KCNJ6: variants seen among roughly 807,000 people sequenced by gnomAD.
KCNJ6 encodes potassium inwardly rectifying channel subfamily J member 6, also known as G protein-activated inward rectifier potassium channel 2.
KCNJ6 carries 9 observed loss-of-function variants against 34.2 expected under a neutral mutation model. The ratio of observed to expected loss-of-function variants is 0.26; its 90% CI spans 0.16 to 0.46. The LOEUF (loss-of-function observed/expected upper bound fraction) is 0.46, where lower values mean the gene tolerates loss of function less well. Among genes scored for constraint, KCNJ6 ranks in the 20% least tolerant of loss-of-function variants. KCNJ6 has a pLI of 1.00. For missense variants in KCNJ6, 236 were observed against 531.3 expected (o/e 0.44, Z 5.46); for synonymous variants, 196 against 207.1 (o/e 0.95, Z 0.46).
intron 2 of KCNJ6, among the ~76,000 whole-genome samples, chr21:37,760,985 G>C (rs1453361290): frequency 2.6e-5 from 4 of 152,236 alleles, no homozygotes; most frequent in African/African-American, 9.6e-5. Context: ...GGTCAGGGAA[G>C]AGCCAGAAGA....
chr21:37,840,308 T>C (rs1388238874), intron 2 of KCNJ6, among the ~76,000 whole-genome samples: 1 of 152,218 alleles, frequency 6.6e-6, no homozygotes, highest in Non-Finnish European at 1.5e-5. Flanking sequence ...GCCCGTGGAA[T>C]AGATGCCCAG....
At chr21:37,683,343 G>A (rs1168144584) in intron 3 of KCNJ6, among the ~76,000 whole-genome samples, 1 of 152,118 alleles carries the variant, frequency 6.6e-6, no homozygotes, top group Admixed American at 6.5e-5. Flanking sequence ...CCCCCTTTCT[G>A]GAGGGATTTT....
chr21:37,683,613 A>G (rs1334518564), intron 3 of KCNJ6, among the ~76,000 whole-genome samples: 1 of 152,092 alleles, frequency 6.6e-6, no homozygotes, highest in East Asian at 1.9e-4. Context: ...TGCTTAACAT[A>G]TTTGTTTGTT....
chr21:37,894,773 C>T (rs954463941), intron 1 of KCNJ6, among the ~76,000 whole-genome samples: 2 of 152,194 alleles, frequency 1.3e-5, no homozygotes, highest in African/African-American at 4.8e-5. Flanking sequence ...TTTAGGTCCC[C>T]TCTAGGTGAG....
intron 2 of KCNJ6, among the ~76,000 whole-genome samples, chr21:37,833,855 A>G (rs1393935031): frequency 1.3e-5 from 2 of 152,190 alleles, no homozygotes; most frequent in African/African-American, 4.8e-5. Flanking sequence ...GTGCCTAACA[A>G]TGGAAAACCC....
intron 1 of KCNJ6, among the ~76,000 whole-genome samples, chr21:37,908,047 T>A (rs1301440663): frequency 1.3e-5 from 2 of 152,238 alleles, no homozygotes; most frequent in Non-Finnish European, 2.9e-5. Context: ...TACTGCCCCA[T>A]GGAAGGATTA....
At chr21:37,867,177 A>G (rs1420424999) in intron 1 of KCNJ6, among the ~76,000 whole-genome samples, 1 of 152,258 alleles carries the variant, frequency 6.6e-6, no homozygotes, top group Non-Finnish European at 1.5e-5. Flanking sequence ...TAAGTGTAAT[A>G]AAATATTTTC....
intron 2 of KCNJ6, among the ~76,000 whole-genome samples, chr21:37,786,031 C>T (rs1306585634): frequency 2.0e-5 from 3 of 152,212 alleles, no homozygotes; most frequent in East Asian, 3.8e-4. Flanking sequence ...TATCCGTCCC[C>T]CAGTCTAAAA....
At chr21:37,698,606 T>C (rs887007628) in intron 3 of KCNJ6, among the ~76,000 whole-genome samples, 5 of 152,226 alleles carry the variant, frequency 3.3e-5, no homozygotes. Context: ...CATAGCTCAC[T>C]GCAGCCTTTC....
intron 2 of KCNJ6, among the ~76,000 whole-genome samples, chr21:37,781,455 C>G (rs1270259415): frequency 6.6e-6 from 1 of 152,114 alleles, no homozygotes; most frequent in Non-Finnish European, 1.5e-5. Context: ...GTCTTAGAAA[C>G]AGGATTTATC....
At chr21:37,803,813 T>C (rs1196365110) in intron 2 of KCNJ6, among the ~76,000 whole-genome samples, 1 of 152,208 alleles carries the variant, frequency 6.6e-6, no homozygotes, top group African/African-American at 2.4e-5. Context: ...CATGACTCCA[T>C]CTGAGTTGGG....
chr21:37,630,704 G>C (rs901633255), intron 3 of KCNJ6, among the ~76,000 whole-genome samples: 4 of 152,156 alleles, frequency 2.6e-5, no homozygotes, highest in African/African-American at 7.2e-5. Context: ...ATGATATTTT[G>C]ATATACGTGT....
chr21:37,645,860 T>C (rs2835859), intron 3 of KCNJ6, among the ~76,000 whole-genome samples: 23,898 of 151,336 alleles, frequency 0.16, 3,109 homozygotes, highest in African/African-American at 0.36. Flanking sequence ...CAGAGTCCAG[T>C]GCACAGCCTC....
chr21:37,813,126 T>C (rs1220129312), intron 2 of KCNJ6, among the ~76,000 whole-genome samples: 1 of 152,064 alleles, frequency 6.6e-6, no homozygotes, highest in Non-Finnish European at 1.5e-5. Flanking sequence ...CAACAGTGAA[T>C]AATCTAAAAA....
At chr21:37,825,357 C>T (rs939383583) in intron 2 of KCNJ6, among the ~76,000 whole-genome samples, 1 of 152,102 alleles carries the variant, frequency 6.6e-6, no homozygotes, top group African/African-American at 2.4e-5. Context: ...ATCTTCAACA[C>T]CCTTCTTCAA....
In KCNJ6 at chr21:37,695,500, G is replaced by A. The variant is rs549344009; in HGVS notation, c.946+18711C>T. 6.6e-6 allele frequency among the ~76,000 whole-genome samples: 1 copy of A among 152,270 alleles called. No individual in the cohort carries two copies. The highest frequency in any genetic ancestry group is 2.1e-4 in the South Asian group (1 of 4,814). On this transcript the variant is annotated intron_variant, in intron 3 of 3. Transcript: ENST00000609713. This position sits in a 1 kb window ranked among gnomAD's most constrained non-coding sequence, Gnocchi z 4.2. ...GATCCTCCTGCAGGTGTTAAGAGCT[G>A]GGTCTGAGACTTCTGGAAGAATGCA... is the stretch of plus-strand genomic sequence containing the variant.
In KCNJ6 at chr21:37,664,460, AT is replaced by A. The variant is rs200609712; in HGVS notation, c.947-38977del. Reference sequence around the variant, plus strand: ...CTGATGAGATTAATACAGTAAAAAAATATATAATTTAAATACACAATATCTG... The same window carrying A: ...CTGATGAGATTAATACAGTAAAAAAAATATAATTTAAATACACAATATCTG... On this transcript the variant is annotated intron_variant, in intron 3 of 3. Coordinates refer to ENST00000609713, the MANE Select transcript of KCNJ6 (RefSeq NM_002240.5). Among the ~76,000 whole-genome samples the A allele has an allele frequency of 1.1e-3, 173 of 152,214 alleles. 1 individual carries two copies. In the East Asian group the frequency reaches 0.022, roughly 20 times the overall value.
At chr21:37,846,907 C>A (rs755606897) in intron 1 of KCNJ6, among the ~76,000 whole-genome samples, 4 of 152,136 alleles carry the variant, frequency 2.6e-5, no homozygotes, top group Non-Finnish European at 4.4e-5. Flanking sequence ...TTCCCTGACA[C>A]GGTGCCATGG....
At chr21:37,893,496 G>T (rs534092415) in intron 1 of KCNJ6, among the ~76,000 whole-genome samples, 1 of 152,128 alleles carries the variant, frequency 6.6e-6, no homozygotes, top group Non-Finnish European at 1.5e-5. Flanking sequence ...GTGAGCCACC[G>T]TGCCCAGCCT....
Sources: gnomAD v4.1 joint callset for allele counts (sites outside exome capture counted in the v4.1 genomes callset) on GRCh38, gnomAD v4.1.1 for gene constraint, Gnocchi (gnomAD v3.1) non-coding constraint, MANE v1.5 for transcripts, NCBI Gene and HGNC (gene_info 2026-07-23, HGNC 2026-07-21) for gene names.